The following RTF1 variants were observed in gnomAD, a reference collection of about 807,000 sequenced individuals.
RTF1 encodes the protein RTF1 homolog, Paf1/RNA polymerase II complex component.
RTF1 carries 10 observed loss-of-function variants against 95.7 expected under a neutral mutation model. That is an observed-to-expected ratio of 0.10 (90% CI 0.06 to 0.18). The LOEUF (loss-of-function observed/expected upper bound fraction) is 0.18, where lower values mean the gene tolerates loss of function less well. Among genes scored for constraint, RTF1 ranks in the 10% least tolerant of loss-of-function variants. RTF1 has a pLI of 1.00. For synonymous variants in RTF1, 305 were observed against 311.8 expected, an observed-to-expected ratio of 0.98 and a Z score of 0.23; for missense variants, 458 against 875.6, an observed-to-expected ratio of 0.52 and a Z score of 6.02.
rs1292708912 is a variant in RTF1 at position 41,464,737 on chromosome 15, A to T, written c.663-34A>T. On this transcript the variant is annotated intron_variant, in intron 4 of 17. Coordinates refer to ENST00000389629, the MANE Select transcript of RTF1 (RefSeq NM_015138.5). The stretch of plus-strand genomic sequence containing the variant: ...AGAAATCAGTTTTTATATACATTTC[A>T]TTGCTACTTAAAAACCAAATATCTT... 6 of 1,490,018 alleles carry T rather than the reference A, an allele frequency of 4.0e-6. No individual in the cohort carries two copies. The East Asian group carries it at 1.1e-4, about 28-fold the overall frequency. 92.3% of individuals were successfully genotyped at this position (1,490,018 alleles called of 1,614,324 possible).
At chr15:41,440,193 T>C (rs909514202) in intron 2 of RTF1, 4 of 150,224 alleles carry the variant, frequency 2.7e-5, no homozygotes, top group African/African-American at 9.8e-5. Flanking sequence ...TCTTTCTTTT[T>C]TTTTTTTTTT....
rs151026240 is a variant in RTF1, at chr15:41,428,557, C to G, written c.199-9764C>G. On this transcript the variant is annotated intron_variant, in intron 1 of 17. Coordinates refer to ENST00000389629, the MANE Select transcript of RTF1 (RefSeq NM_015138.5). ...TGCTGGGATTACAAGTGTGAGCTAC[C>G]GTGTCCGGCCCCCTACTCCTTTTTT... Among the ~76,000 whole-genome samples the G allele has an allele frequency of 3.7e-4, 56 of 150,882 alleles. No homozygotes were observed. The East Asian group carries it at 0.01, about 28-fold the overall frequency.
chr15:41,436,453 T>C (rs994748516), intron 1 of RTF1, among the ~76,000 whole-genome samples: 2 of 135,344 alleles, frequency 1.5e-5, no homozygotes, highest in African/African-American at 5.9e-5. Context: ...CGAGACTCCG[T>C]CTCAAAAAAA....
intron 8 of RTF1, among the ~76,000 whole-genome samples, chr15:41,473,024 T>A (rs560759883): frequency 5.3e-5 from 8 of 151,682 alleles, no homozygotes; most frequent in South Asian, 2.1e-4. Context: ...TAAAAAAAAA[T>A]TTTTGTAGCA....
chr15:41,442,132 G>C (rs187195979), intron 2 of RTF1, among the ~76,000 whole-genome samples: 148 of 151,750 alleles, frequency 9.8e-4, no homozygotes, highest in African/African-American at 3.4e-3. Context: ...AGGTTATAAA[G>C]TTTGAGACAG....
intron 1 of RTF1, among the ~76,000 whole-genome samples, chr15:41,438,008 A>C (rs2050713758): frequency 6.6e-6 from 1 of 152,222 alleles, no homozygotes; most frequent in African/African-American, 2.4e-5. Flanking sequence ...CCAGTCCCAG[A>C]GAATCAGTGC....
intron 1 of RTF1, among the ~76,000 whole-genome samples, chr15:41,436,287 TAAAAAAAAAAAAA>T (rs746306495): frequency 4.2e-5 from 4 of 95,218 alleles, no homozygotes; most frequent in African/African-American, 1.6e-4. Context: ...CCGTCTCTAC[TAAAAAAAAAAAAA>T]AAAAAAAAAA....
chr15:41,458,458 T>G (rs2050830030), intron 4 of RTF1, among the ~76,000 whole-genome samples: 1 of 152,154 alleles, frequency 6.6e-6, no homozygotes, highest in African/African-American at 2.4e-5. Flanking sequence ...TTACCTATTC[T>G]GTAACACCGC....
At chr15:41,429,014 G>A (rs890179354) in intron 1 of RTF1, among the ~76,000 whole-genome samples, 8 of 152,162 alleles carry the variant, frequency 5.3e-5, no homozygotes, top group African/African-American at 1.9e-4. Context: ...TGGGATTACA[G>A]GCGTGAGCCA....
intron 2 of RTF1, among the ~76,000 whole-genome samples, chr15:41,443,880 A>G (rs2050747684): frequency 1.3e-5 from 2 of 151,974 alleles, no homozygotes; most frequent in Non-Finnish European, 2.9e-5. Flanking sequence ...ATCCTGGCTA[A>G]CATGGTGAAA....
At chr15:41,456,501 AAAG>A (rs1394121285) in intron 3 of RTF1, among the ~76,000 whole-genome samples, 12 of 148,750 alleles carry the variant, frequency 8.1e-5, no homozygotes, top group Admixed American at 3.3e-4. Flanking sequence ...AAAAAAAAAA[AAAG>A]AACTGCTGGG....
intron 1 of RTF1, among the ~76,000 whole-genome samples, chr15:41,421,636 A>G (rs1185716214): frequency 3.2e-4 from 47 of 147,434 alleles, no homozygotes; most frequent in African/African-American, 1.1e-3. Context: ...GTCCCAAAGA[A>G]AAAAAAAAAA....
intron 8 of RTF1, among the ~76,000 whole-genome samples, chr15:41,471,794 T>G (rs892840241): frequency 6.6e-6 from 1 of 152,180 alleles, no homozygotes; most frequent in African/African-American, 2.4e-5. Context: ...CAGCACTGCT[T>G]CTGTGGTCTA....
chr15:41,434,671 G>A (rs2050692862), intron 1 of RTF1, among the ~76,000 whole-genome samples: 1 of 150,012 alleles, frequency 6.7e-6, no homozygotes, highest in Admixed American at 6.7e-5. Context: ...ACTGTCACCC[G>A]GGCTGGAGTG....
intron 17 of RTF1, 125 bp downstream of exon 17, chr15:41,480,450 A>T: frequency 1.1e-6 from 1 of 942,966 alleles, no homozygotes; most frequent in African/African-American, 1.6e-5. Context: ...TCCACAGGCC[A>T]GGCCAAGACA....
At chr15:41,462,515 C>T (rs946437929) in intron 4 of RTF1, among the ~76,000 whole-genome samples, 1 of 152,098 alleles carries the variant, frequency 6.6e-6, no homozygotes, top group Non-Finnish European at 1.5e-5. Context: ...AGATTATATA[C>T]ATAAGAACAT....
At position 41,452,999 on chromosome 15, in the gene RTF1, A is replaced by G. The variant is rs2050796132; in HGVS notation, c.408A>G (p.Ser136=). 2 of 1,612,456 alleles carry G rather than the reference A, an allele frequency of 1.2e-6. No individual in the cohort carries two copies. Among genetic ancestry groups the G allele is most frequent in the East Asian group, 2.2e-5 (1 of 44,872 alleles). Residue 136 remains serine (S), a synonymous_variant, in exon 3 of 18, where the codon TCA becomes TCG. Coordinates refer to ENST00000389629, the MANE Select transcript of RTF1 (RefSeq NM_015138.5). ...MKKQANKTAS[S]GSSDKDSSAE... is the part of the protein sequence containing the mutation. ...AACAGGCCAACAAAACTGCCTCCTC[A>G]GGCAGTTCAGACAAAGACAGTTCAG...
intron 4 of RTF1, among the ~76,000 whole-genome samples, chr15:41,459,824 G>C (rs1190474974): frequency 6.6e-6 from 1 of 152,122 alleles, no homozygotes; most frequent in Non-Finnish European, 1.5e-5. Flanking sequence ...ATTTTAAATG[G>C]AAAAGTTTTA....
In RTF1 at chr15:41,475,702, T is replaced by A; in HGVS notation, c.1375-10T>A. 1.2e-6 allele frequency: 2 copies of A among 1,607,310 alleles called. No homozygotes were observed. The highest frequency in any genetic ancestry group is 1.7e-6 in the Non-Finnish European group (2 of 1,174,050). ...CTTACTAATAATCTCGTATCGTGTT[T>A]TTGATCCAGATGTTCTCTGCTGGCA... On this transcript the variant is annotated splice_polypyrimidine_tract_variant and intron_variant, in intron 10 of 17. Coordinates refer to ENST00000389629, the MANE Select transcript of RTF1 (RefSeq NM_015138.5).
Sources: gnomAD v4.1 joint callset for allele counts (sites outside exome capture counted in the v4.1 genomes callset) on GRCh38, gnomAD v4.1.1 for gene constraint, MANE v1.5 for transcripts, NCBI Gene and HGNC (gene_info 2026-07-23, HGNC 2026-07-21) for gene names.